Variants in SOS1 observed in about 807,000 individuals in gnomAD.
SOS1 encodes son of sevenless homolog 1.
In SOS1, 25 loss-of-function variants were observed where a neutral mutation model predicts 157.6. The observed-to-expected ratio is 0.16, with a 90% CI of 0.12 to 0.22. The LOEUF (loss-of-function observed/expected upper bound fraction) is 0.22, where lower values mean the gene tolerates loss of function less well. Ranked by LOEUF, SOS1 falls within the 10% of genes least tolerant of loss-of-function variation. The probability of loss-of-function intolerance (pLI) is 1.00; values close to 1 mark genes in which losing one functional copy is unlikely to be tolerated. For synonymous variants in SOS1, 528 were observed against 534.0 expected (o/e 0.99, Z 0.16); for missense variants, 1,237 against 1,599.1 (o/e 0.77, Z 3.86).
chr2:39,111,953 C>G (rs1418858716), intron 1 of SOS1, among the ~76,000 whole-genome samples: 1 of 152,082 alleles, frequency 6.6e-6, no homozygotes, highest in African/African-American at 2.4e-5. Context: ...TGGTCTTGAA[C>G]TCCTGAGCTC....
chr2:39,026,204 A>T (rs997038304), intron 8 of SOS1, among the ~76,000 whole-genome samples: 14 of 151,952 alleles, frequency 9.2e-5, no homozygotes, highest in Non-Finnish European at 1.3e-4. Flanking sequence ...AAAATACAAA[A>T]ATTAGCTGGG....
chr2:39,081,914 T>C (rs1672213078), intron 1 of SOS1, among the ~76,000 whole-genome samples: 1 of 152,234 alleles, frequency 6.6e-6, no homozygotes, highest in Non-Finnish European at 1.5e-5. Flanking sequence ...AAACCAATTT[T>C]TAAAAAAAAT....
chr2:39,103,605 T>C (rs751045090), intron 1 of SOS1, among the ~76,000 whole-genome samples: 26 of 152,168 alleles, frequency 1.7e-4, no homozygotes, highest in Non-Finnish European at 2.9e-4. Context: ...AAGAATGACG[T>C]TGGACTCCTA....
At chr2:39,122,445 T>TACACACACACACACAC (rs1353516539), upstream of SOS1, among the ~76,000 whole-genome samples, 1 of 28,762 alleles carries the variant, frequency 3.5e-5, no homozygotes, top group African/African-American at 1.7e-4. Flanking sequence ...CAAAAAAAAA[T>TACACACACACACACAC]ATACACACAC....
At chr2:39,047,829 AC>A (rs59052486) in intron 6 of SOS1, among the ~76,000 whole-genome samples, 140,213 of 152,142 alleles carry the variant, frequency 0.92, 64,722 homozygotes, top group African/African-American at 0.96. Flanking sequence ...CACTATGCCC[AC>A]CCTAATTTTG....
At chr2:39,103,525 A>G (rs1673051188) in intron 1 of SOS1, among the ~76,000 whole-genome samples, 1 of 152,232 alleles carries the variant, frequency 6.6e-6, no homozygotes, top group African/African-American at 2.4e-5. Flanking sequence ...ATTTGTGCCA[A>G]GTCCATTCAA....
intron 1 of SOS1, among the ~76,000 whole-genome samples, chr2:39,093,977 C>G (rs1012704641): frequency 6.6e-6 from 1 of 152,164 alleles, no homozygotes; most frequent in African/African-American, 2.4e-5. Flanking sequence ...TACCTTAACT[C>G]TCTTCAAATA....
intron 1 of SOS1, among the ~76,000 whole-genome samples, chr2:39,108,396 A>G (rs1201636086): frequency 2.0e-5 from 3 of 152,194 alleles, no homozygotes; most frequent in Non-Finnish European, 4.4e-5. Context: ...GATAAAATGC[A>G]ATAATTTGAT....
chr2:39,047,262 G>C (rs895175471), intron 6 of SOS1, among the ~76,000 whole-genome samples: 17 of 152,082 alleles, frequency 1.1e-4, no homozygotes, highest in African/African-American at 4.1e-4. Context: ...TTGCCAGATA[G>C]CATTTTATTG....
chr2:39,113,648 G>A lies in SOS1; in HGVS notation c.87+6688C>T, dbSNP rs114654067. On this transcript the variant is annotated intron_variant, in intron 1 of 22. Coordinates refer to ENST00000402219, the MANE Select transcript of SOS1 (RefSeq NM_005633.4). Reference sequence around the variant, plus strand: ...TTTTCTCTCCTGTAAAAAGGAAGCCGTAATAGTATCCTATGAGAATTAAAT... The same window carrying A: ...TTTTCTCTCCTGTAAAAAGGAAGCCATAATAGTATCCTATGAGAATTAAAT... Among the ~76,000 whole-genome samples, 1,483 of 152,260 alleles carry A rather than the reference G, an allele frequency of 9.7e-3. 8 individuals carry two copies. The highest frequency in any genetic ancestry group is 0.014 in the Middle Eastern group (4 of 294).
rs563132439 is a variant in SOS1 at position 38,987,462 on chromosome 2, T to G, written c.3510+11A>C. On this transcript the variant is annotated intron_variant, in intron 22 of 22. Coordinates refer to ENST00000402219, the MANE Select transcript of SOS1 (RefSeq NM_005633.4). ...ATTCCAATTTCTACACAACAAGATTTCTTACTTTACCTTAGATGGTGAAGA... is the reference window on the plus strand; with the variant it reads ...ATTCCAATTTCTACACAACAAGATTGCTTACTTTACCTTAGATGGTGAAGA... 5.8e-6 allele frequency: 8 copies of G among 1,375,488 alleles called. No individual in the cohort carries two copies. The highest frequency in any genetic ancestry group is 8.3e-6 in the Non-Finnish European group (8 of 967,290). The allele number at this position is 1,375,488 out of a possible 1,614,324, so 85.2% of individuals were successfully genotyped here.
chr2:39,007,474 A>G (rs76349440), intron 15 of SOS1: 169 of 378,790 alleles, frequency 4.5e-4, no homozygotes, highest in Admixed American at 1.4e-3. Context: ...TGAGGCCACT[A>G]TCTTGTGGAA....
intron 6 of SOS1, among the ~76,000 whole-genome samples, chr2:39,037,729 A>C (rs1033513918): frequency 4.6e-5 from 7 of 152,078 alleles, no homozygotes; most frequent in African/African-American, 1.7e-4. Context: ...AAATATTTCA[A>C]ACTTCTTCAC....
intron 10 of SOS1, among the ~76,000 whole-genome samples, chr2:39,021,626 A>G (rs1401719797): frequency 1.3e-5 from 2 of 151,528 alleles, no homozygotes; most frequent in Non-Finnish European, 1.5e-5. Context: ...ACCCCAAACA[A>G]AAGTACTTAG....
chr2:39,057,622 G>A (rs7577921), intron 3 of SOS1, among the ~76,000 whole-genome samples: 4,144 of 152,054 alleles, frequency 0.027, 177 homozygotes, highest in African/African-American at 0.093. Flanking sequence ...TGATAAAGGT[G>A]TATTAAAATA....
chr2:38,996,017 A>G (rs114375621), intron 19 of SOS1, among the ~76,000 whole-genome samples: 3,863 of 152,238 alleles, frequency 0.025, 160 homozygotes, highest in African/African-American at 0.086. Context: ...AATTGCATAC[A>G]CTTTAATTAA....
intron 1 of SOS1, among the ~76,000 whole-genome samples, chr2:39,115,612 GT>G (rs1001484190): frequency 2.0e-5 from 3 of 151,584 alleles, no homozygotes; most frequent in Non-Finnish European, 2.9e-5. Context: ...AATTTTTTAA[GT>G]TTTTTGTAGA....
intron 10 of SOS1, among the ~76,000 whole-genome samples, chr2:39,016,844 A>G (rs1268624294): frequency 6.6e-6 from 1 of 152,170 alleles, no homozygotes; most frequent in Non-Finnish European, 1.5e-5. Flanking sequence ...TGAAAAACAG[A>G]ATAAAAGCCA....
At chr2:39,116,722 G>A (rs531259275) in intron 1 of SOS1, among the ~76,000 whole-genome samples, 9 of 152,282 alleles carry the variant, frequency 5.9e-5, no homozygotes, top group African/African-American at 1.4e-4. Context: ...TTATCTGGAT[G>A]TGGCAGTGTG....
Sources: gnomAD v4.1 joint callset for allele counts (sites outside exome capture counted in the v4.1 genomes callset) on GRCh38, gnomAD v4.1.1 for gene constraint, MANE v1.5 for transcripts, NCBI Gene and HGNC (gene_info 2026-07-23, HGNC 2026-07-21) for gene names.